The following XKR5 variants were observed in gnomAD, a reference collection of about 807,000 sequenced individuals.
XKR5 encodes XK related 5, also known as XK-related protein 5.
Under a neutral mutation model 40.8 loss-of-function variants are expected in XKR5, and 46 were observed. That is an observed-to-expected ratio of 1.13 (90% confidence interval 0.89 to 1.44). XKR5 has a LOEUF of 1.44. Ranked by LOEUF, XKR5 falls within the 40% of genes most tolerant of loss-of-function variation. The pLI is 0.00. For synonymous variants in XKR5, 466 were observed against 356.1 expected (o/e 1.31, Z -3.48); for missense variants, 1,169 against 844.7 (o/e 1.38, Z -4.76).
At position 6,835,498 on chromosome 8, in the gene XKR5, C is replaced by G. The variant is rs1804974497; in HGVS notation, c.-5G>C. On this transcript the variant is annotated 5_prime_UTR_variant, in exon 1 of 7. Transcript: ENST00000618742. ...CCCCAGGAGCCTCGCGTGCATCTTC[C>G]GTGCCGACCCCGCAGCCTGCGCCCG... The G allele has an allele frequency of 1.3e-6, 2 of 1,497,656 alleles. No homozygotes were observed. Among genetic ancestry groups the G allele is most frequent in the Admixed American group, 2.1e-5 (1 of 46,570 alleles). The allele number at this position is 1,497,656 out of a possible 1,614,324, so 92.8% of individuals were successfully genotyped here.
At chr8:6,814,922 G>T (rs1376060739) in intron 6 of XKR5, among the ~76,000 whole-genome samples, 2 of 152,198 alleles carry the variant, frequency 1.3e-5, no homozygotes, top group African/African-American at 4.8e-5. Context: ...TCCAACCCCC[G>T]GCTGCTGTGA....
intron 6 of XKR5, among the ~76,000 whole-genome samples, 195 bp from the exon 7 acceptor site, chr8:6,812,534 G>A (rs183082036): frequency 2.0e-5 from 3 of 152,302 alleles, no homozygotes; most frequent in Admixed American, 1.3e-4. Context: ...AGCTGTAAAT[G>A]TTTCTAAAGT....
Position 6,823,578 on chromosome 8 carries a change from C to T in XKR5, c.580G>A (p.Val194Met), listed in dbSNP as rs370846642. Residue 194 changes from valine to methionine, a missense_variant, in exon 4 of 7, where the codon GTG (valine) becomes ATG (methionine). Physicochemically the swap from Val to Met is conservative, Grantham distance 21 (BLOSUM62 1). Transcript: ENST00000618742. ...LWRMGMLGTR[V>M]LSLVLFYKAY... ...TTGTAGAACAGAACCAGACTCAGCA[C>T]GCGGGTTCCCAACATGCCCATCCTC... 8.9e-5 allele frequency: 142 copies of T among 1,596,758 alleles called. No individual in the cohort carries two copies. Among genetic ancestry groups the T allele is most frequent in the Non-Finnish European group, 1.1e-4 (124 of 1,171,730 alleles).
chr8:6,827,377 C>T (rs1169175961), intron 2 of XKR5, among the ~76,000 whole-genome samples: 1 of 152,248 alleles, frequency 6.6e-6, no homozygotes, highest in Non-Finnish European at 1.5e-5. Context: ...GCAAAACTCC[C>T]TGTAGAGACC....
intron 2 of XKR5, among the ~76,000 whole-genome samples, chr8:6,826,088 G>A (rs1288894406): frequency 2.0e-5 from 3 of 152,198 alleles, no homozygotes; most frequent in African/African-American, 7.2e-5. Context: ...GTATGTGTAT[G>A]TGCATGTGCG....
intron 1 of XKR5, 44 bp downstream of exon 1, chr8:6,835,392 T>G: frequency 7.2e-7 from 1 of 1,392,610 alleles, no homozygotes; most frequent in Non-Finnish European, 9.3e-7. Flanking sequence ...GGGGTGGGGT[T>G]AGGGGCTGCA....
At chr8:6,832,182 G>T (rs1164977617) in intron 2 of XKR5, among the ~76,000 whole-genome samples, 1 of 152,142 alleles carries the variant, frequency 6.6e-6, no homozygotes, top group African/African-American at 2.4e-5. Context: ...CTGTCGTGAT[G>T]GTCTATGGAT....
At position 6,825,027 on chromosome 8, in the gene XKR5, T is replaced by C. The variant is rs74326288; in HGVS notation, c.427+138A>G. The C allele has an allele frequency of 1.4e-3, 1,328 of 952,978 alleles. 6 individuals are homozygous for C. Among genetic ancestry groups the C allele is most frequent in the Non-Finnish European group, 1.9e-3 (1,200 of 639,000 alleles). 59.0% of individuals were successfully genotyped at this position (952,978 alleles called of 1,614,324 possible). A position where few individuals can be genotyped will look rare whatever the true frequency, so the allele number is the denominator to read the frequency against. On this transcript the variant is annotated intron_variant, in intron 3 of 6. Coordinates refer to ENST00000618742, the MANE Select transcript of XKR5 (RefSeq NM_207411.5). ...CAGCAAAAGCCAGTTTTAAGCATCA[T>C]CTGTGCCAGTGAGCTCAAGGTGCCC...
intron 5 of XKR5, among the ~76,000 whole-genome samples, chr8:6,818,900 G>T (rs1365560905): frequency 6.6e-6 from 1 of 152,192 alleles, no homozygotes; most frequent in East Asian, 1.9e-4. Context: ...AAATTAACCA[G>T]GTATGGTGGT....
chr8:6,816,938 C>T lies in XKR5; in HGVS notation c.808-1020G>A, dbSNP rs1803986936. Among the ~76,000 whole-genome samples the T allele has an allele frequency of 2.6e-5, 4 of 152,110 alleles. No homozygotes were observed. The South Asian group carries it at 8.3e-4, about 31-fold the overall frequency. On this transcript the variant is annotated intron_variant, in intron 5 of 6. Coordinates refer to ENST00000618742, the MANE Select transcript of XKR5 (RefSeq NM_207411.5). ...AGCTGCTTCGTAATCCTATGAACATCCATTCTCCCAGTCCCTCTGTGTGCA... is the reference window on the plus strand; with the variant it reads ...AGCTGCTTCGTAATCCTATGAACATTCATTCTCCCAGTCCCTCTGTGTGCA...
Position 6,811,553 on chromosome 8 carries a change from CCA to C in XKR5, c.1704_1705del (p.Gly569LysfsTer30), listed in dbSNP as rs1287135179. On this transcript the variant is annotated frameshift_variant, in exon 7 of 7. Transcript: ENST00000618742. LOFTEE classifies it low-confidence loss of function (END_TRUNC). Reference sequence around the variant, plus strand: ...AGGGCTGCTCTTTCCCAGCCTCCTTCCAGAGTGGGCCGTTTGCAGAGTAGCTG... The same window carrying C: ...AGGGCTGCTCTTTCCCAGCCTCCTTCGAGTGGGCCGTTTGCAGAGTAGCTG... The C allele has an allele frequency of 3.3e-6, 5 of 1,536,160 alleles. No homozygotes were observed. The highest frequency in any genetic ancestry group is 4.4e-6 in the Non-Finnish European group (5 of 1,146,312).
In XKR5 at chr8:6,823,596, C is replaced by T. The variant is rs761669540; in HGVS notation, c.562G>A (p.Gly188Ser). ...CTCAGCACGCGGGTTCCCAACATGCCCATCCTCCAGAGCTGCTGGCAGAAG... is the reference window on the plus strand; with the variant it reads ...CTCAGCACGCGGGTTCCCAACATGCTCATCCTCCAGAGCTGCTGGCAGAAG... ...ALFCQQLWRMGMLGTRVLSLV... is the reference protein window; with the variant it reads ...ALFCQQLWRMSMLGTRVLSLV... The change falls in exon 4 of 7, where the codon GGC (glycine) becomes AGC (serine). Residue 188 changes from glycine to serine, a missense_variant. Transcript: ENST00000618742. 1.3e-6 allele frequency: 2 copies of T among 1,596,326 alleles called. No individual in the cohort carries two copies. Among genetic ancestry groups the T allele is most frequent in the Non-Finnish European group, 1.7e-6 (2 of 1,171,582 alleles).
Position 6,832,855 on chromosome 8 carries a change from C to G in XKR5, c.104G>C (p.Trp35Ser), listed in dbSNP as rs781638643. ...AYYFTTGRLL[W>S]GWLALAVLLP... Reference sequence around the variant, plus strand: ...GAGGACAGCAAGGGCCAGCCACCCCCACAGAAGCCGTCCTGTGGTGAAGTA... The same window carrying G: ...GAGGACAGCAAGGGCCAGCCACCCCGACAGAAGCCGTCCTGTGGTGAAGTA... The change falls in exon 2 of 7, where the codon TGG becomes TCG. Residue 35 changes from tryptophan (W) to serine (S), a missense_variant. Transcript: ENST00000618742. The G allele has an allele frequency of 1.9e-6, 3 of 1,610,458 alleles. No individual in the cohort carries two copies. Among genetic ancestry groups the G allele is most frequent in the African/African-American group, 2.7e-5 (2 of 74,860 alleles).
chr8:6,834,727 A>C (rs1026274966), intron 1 of XKR5, among the ~76,000 whole-genome samples: 3 of 146,726 alleles, frequency 2.0e-5, no homozygotes, highest in Admixed American at 6.7e-5. Context: ...AGCCCGGCGG[A>C]AGTGGGCGGA....
At chr8:6,813,747 T>C (rs967266740) in intron 6 of XKR5, among the ~76,000 whole-genome samples, 1 of 152,140 alleles carries the variant, frequency 6.6e-6, no homozygotes, top group African/African-American at 2.4e-5. Flanking sequence ...CCCGTGGCTA[T>C]GGACTCCCTA....
rs555665539 is a variant in XKR5, at chr8:6,829,672, C to T, written c.242+3045G>A. Among the ~76,000 whole-genome samples the T allele has an allele frequency of 2.1e-4, 32 of 152,200 alleles. No individual in the cohort carries two copies. In the East Asian group the frequency reaches 4.3e-3, roughly 20 times the overall value. On this transcript the variant is annotated intron_variant, in intron 2 of 6. Transcript: ENST00000618742. ...GTGGCATTACAGGTGTGCGTGACCA[C>T]GCCTGGCTAATTTGTCTATTTTTAG... is the stretch of plus-strand genomic sequence containing the variant.
chr8:6,818,363 G>T (rs528698637), intron 5 of XKR5, among the ~76,000 whole-genome samples: 2 of 152,292 alleles, frequency 1.3e-5, no homozygotes, highest in South Asian at 4.1e-4. Flanking sequence ...TGTCCTGTAG[G>T]GTTTTGATAG....
intron 2 of XKR5, among the ~76,000 whole-genome samples, chr8:6,831,864 A>C (rs1804780678): frequency 6.6e-6 from 1 of 151,900 alleles, no homozygotes; most frequent in Admixed American, 6.6e-5. Context: ...AAATACAAAA[A>C]ATTAGCCGGG....
intron 5 of XKR5, among the ~76,000 whole-genome samples, chr8:6,818,662 G>A (rs1001376122): frequency 3.9e-5 from 6 of 152,208 alleles, no homozygotes; most frequent in African/African-American, 1.4e-4. Context: ...CTCCAGACGT[G>A]GATTCCCAGG....
Sources: gnomAD v4.1 joint callset for allele counts (sites outside exome capture counted in the v4.1 genomes callset) on GRCh38, gnomAD v4.1.1 for gene constraint, MANE v1.5 for transcripts, NCBI Gene and HGNC (gene_info 2026-07-23, HGNC 2026-07-21) for gene names.